Variants in PDGFA observed in about 807,000 individuals in gnomAD.
PDGFA encodes platelet derived growth factor subunit A, also known as platelet-derived growth factor subunit A.
Under a neutral mutation model 25.6 loss-of-function variants are expected in PDGFA, and 9 were observed. The observed-to-expected ratio is 0.35, with a 90% confidence interval of 0.21 to 0.61. The LOEUF is 0.61. Ranked by LOEUF, PDGFA falls within the 20% of genes least tolerant of loss-of-function variation. The pLI, the probability that PDGFA is intolerant of heterozygous loss-of-function variation, is 0.75. For missense variants in PDGFA, 242 were observed against 272.8 expected (o/e 0.89, Z 0.79); for synonymous variants, 133 against 111.8 (o/e 1.19, Z -1.20).
At chr7:499,468 G>A (rs1242724141) in intron 5 of PDGFA, among the ~76,000 whole-genome samples, 4 of 152,200 alleles carry the variant, frequency 2.6e-5, no homozygotes, top group Admixed American at 2.6e-4. Flanking sequence ...GTGCCAGGAG[G>A]GGGAACCAGG....
At chr7:506,202 C>T (rs1349878264) in intron 4 of PDGFA, among the ~76,000 whole-genome samples, 12 of 144,608 alleles carry the variant, frequency 8.3e-5, no homozygotes, top group African/African-American at 3.2e-4. Flanking sequence ...TCCCTCAAGT[C>T]GGGCGTGGAG....
At chr7:498,769 T>C (rs1350470495) in intron 5 of PDGFA, among the ~76,000 whole-genome samples, 195 bp from the exon 6 acceptor site, 1 of 152,208 alleles carries the variant, frequency 6.6e-6, no homozygotes, top group Admixed American at 6.5e-5. Flanking sequence ...TGACAGGAAT[T>C]GGGATTAGGC....
chr7:510,635 C>T (rs1782765825), intron 4 of PDGFA, among the ~76,000 whole-genome samples, 174 bp downstream of exon 4: 1 of 70,434 alleles, frequency 1.4e-5, no homozygotes, highest in African/African-American at 6.1e-5. Flanking sequence ...GGGCAGGGCT[C>T]ACCTTGACGC....
At chr7:503,638 G>A (rs908468455) in intron 4 of PDGFA, among the ~76,000 whole-genome samples, 3 of 152,166 alleles carry the variant, frequency 2.0e-5, no homozygotes, top group African/African-American at 7.2e-5. Context: ...TGCACCCTGG[G>A]ACCAGGCAGG....
At position 500,764 on chromosome 7, in the gene PDGFA, C is replaced by T; in HGVS notation, c.580+352G>A. 1.4e-6 allele frequency: 2 copies of T among 1,439,718 alleles called. No homozygotes were observed. The highest frequency in any genetic ancestry group is 1.8e-6 in the Non-Finnish European group (2 of 1,099,410). 89.2% of individuals were successfully genotyped at this position (1,439,718 alleles called of 1,614,324 possible). On this transcript the variant is annotated intron_variant, in intron 5 of 5. Coordinates refer to ENST00000402802, the Ensembl canonical transcript of PDGFA. This position sits in a 1 kb window ranked among gnomAD's most constrained non-coding sequence, Gnocchi z 5.0. ...AGGGCAACTGCAGTCCTCGAACCTG[C>T]TCCTCCCGCCCACCCTGGCAGGAGG... is the stretch of plus-strand genomic sequence containing the variant.
chr7:503,564 G>A (rs1231441445), intron 4 of PDGFA, among the ~76,000 whole-genome samples: 1 of 152,196 alleles, frequency 6.6e-6, no homozygotes, highest in Non-Finnish European at 1.5e-5. Context: ...TTCTTGGGGG[G>A]AAGGGGGGAC....
intron 4 of PDGFA, among the ~76,000 whole-genome samples, chr7:503,836 G>T (rs1440193501): frequency 6.6e-6 from 1 of 152,186 alleles, no homozygotes; most frequent in South Asian, 2.1e-4. Flanking sequence ...TCAGGAGCCA[G>T]CTCAGAAACA....
At chr7:509,164 G>A (rs146701420) in intron 4 of PDGFA, among the ~76,000 whole-genome samples, 215 of 152,330 alleles carry the variant, frequency 1.4e-3, no homozygotes, top group African/African-American at 4.7e-3. Context: ...CTCCCCCAGC[G>A]CAACCCCAGG....
In PDGFA at chr7:515,322, C is replaced by T. The variant is rs190827959; in HGVS notation, c.160+2072G>A. On this transcript the variant is annotated intron_variant, in intron 2 of 5. Transcript: ENST00000402802. ...TGGATTGAAAAGGGAGTCCAGGACC[C>T]GGAGGGATGCTTACCCAATGAGAAC... 2.8e-4 allele frequency among the ~76,000 whole-genome samples: 43 copies of T among 152,236 alleles called. No individual in the cohort carries two copies. In the East Asian group the frequency reaches 8.1e-3, roughly 29 times the overall value.
chr7:519,534 C>T (rs1266997149), upstream of PDGFA: 3 of 149,158 alleles, frequency 2.0e-5, no homozygotes, highest in African/African-American at 7.3e-5. Context: ...CGGCCCCGCG[C>T]TCGCCTCCGG....
At position 503,425 on chromosome 7, in the gene PDGFA, C is replaced by T. The variant is rs547530253; in HGVS notation, c.454-2183G>A. Among the ~76,000 whole-genome samples, 15 of 152,274 alleles carry T rather than the reference C, an allele frequency of 9.9e-5. No homozygotes were observed. In the East Asian group the frequency reaches 1.5e-3, roughly 16 times the overall value. ...CCGGGTCACCCCCTGAGCACAGGGG[C>T]GTGGGGGAATGCACGCTGCTGGGTG... On this transcript the variant is annotated intron_variant, in intron 4 of 5. Coordinates refer to ENST00000402802, the Ensembl canonical transcript of PDGFA.
chr7:498,723 A>G, intron 5 of PDGFA, 149 bp from the exon 6 acceptor site: 1 of 776,048 alleles, frequency 1.3e-6, no homozygotes, highest in South Asian at 1.5e-5. Flanking sequence ...AAATTTCCAG[A>G]ATCACATTTG....
At position 506,542 on chromosome 7, in the gene PDGFA, C is replaced by T. The variant is rs373848679; in HGVS notation, c.453+4267G>A. ...GCCCATCCCAAGCACCAGGTGAGCACACACCTTCTGGAAGCCTCCAGCACA... is the reference window on the plus strand; with the variant it reads ...GCCCATCCCAAGCACCAGGTGAGCATACACCTTCTGGAAGCCTCCAGCACA... On this transcript the variant is annotated intron_variant, in intron 4 of 5. Transcript: ENST00000402802. 3.6e-4 allele frequency among the ~76,000 whole-genome samples: 55 copies of T among 152,302 alleles called. No individual in the cohort carries two copies. In the East Asian group the frequency reaches 9.6e-3, roughly 27 times the overall value.
intron 2 of PDGFA, among the ~76,000 whole-genome samples, chr7:514,572 T>C (rs1452922113): frequency 6.6e-6 from 1 of 152,190 alleles, no homozygotes; most frequent in Non-Finnish European, 1.5e-5. Flanking sequence ...CCAGGACAGT[T>C]AACCAGGAGG....
chr7:515,644 T>TC (rs1404041912), intron 2 of PDGFA, among the ~76,000 whole-genome samples: 10 of 151,782 alleles, frequency 6.6e-5, no homozygotes, highest in African/African-American at 2.4e-4. Context: ...CCCCAAAACC[T>TC]CTCACGGACA....
chr7:498,499 T>C (rs1454454157), exon 6 of PDGFA: 4 of 1,515,574 alleles, frequency 2.6e-6, no homozygotes, highest in Non-Finnish European at 3.6e-6. Context: ...GCACCGTACA[T>C]AGTAGGTTCA....
At chr7:502,466 A>G (rs1024147956) in intron 4 of PDGFA, among the ~76,000 whole-genome samples, 5 of 151,668 alleles carry the variant, frequency 3.3e-5, no homozygotes, top group African/African-American at 1.2e-4. Flanking sequence ...CTCGGAAACC[A>G]GGGCCAGGGA....
chr7:517,738 C>G lies in PDGFA; in HGVS notation c.64-248G>C, dbSNP rs972842356. On this transcript the variant is annotated intron_variant, in intron 1 of 5. Coordinates refer to ENST00000402802, the Ensembl canonical transcript of PDGFA. This position sits in a 1 kb window ranked among gnomAD's most constrained non-coding sequence, Gnocchi z 7.4. ...CCTTTGCAAAATCAAAGCCCCCCCC[C>G]CTTTATATTTTCAGACAAAAGCCCC... Among the ~76,000 whole-genome samples the G allele has an allele frequency of 2.6e-5, 4 of 151,764 alleles. No homozygotes were observed. The highest frequency in any genetic ancestry group is 4.4e-5 in the Non-Finnish European group (3 of 67,880).
chr7:511,331 G>C, intron 3 of PDGFA, among the ~76,000 whole-genome samples: 1 of 87,736 alleles, frequency 1.1e-5, no homozygotes, highest in Non-Finnish European at 2.1e-5. Context: ...GCCAGAGACT[G>C]GGGGTGGGGA....
Sources: gnomAD v4.1 joint callset for allele counts (sites outside exome capture counted in the v4.1 genomes callset) on GRCh38, gnomAD v4.1.1 for gene constraint, Gnocchi (gnomAD v3.1) non-coding constraint, MANE v1.5 for transcripts, NCBI Gene and HGNC (gene_info 2026-07-23, HGNC 2026-07-21) for gene names.